Variants in GALNT13 observed in about 807,000 individuals in gnomAD.
GALNT13 encodes polypeptide N-acetylgalactosaminyltransferase 13, also known as UDP-GalNAc:polypeptide N-acetylgalactosaminyltransferase 13.
GALNT13 carries 28 observed loss-of-function variants against 64.2 expected under a neutral mutation model. The observed-to-expected ratio is 0.44, with a 90% confidence interval of 0.32 to 0.60. GALNT13 has a LOEUF of 0.60. Among genes scored for constraint, GALNT13 ranks in the 20% least tolerant of loss-of-function variants. The pLI is 0.05. For synonymous variants in GALNT13, 214 were observed against 224.6 expected (o/e 0.95, Z 0.42); for missense variants, 577 against 669.8 (o/e 0.86, Z 1.53).
chr2:153,943,795 C>T (rs2105383634), intron 2 of GALNT13, among the ~76,000 whole-genome samples: 1 of 152,256 alleles, frequency 6.6e-6, no homozygotes, highest in South Asian at 2.1e-4. Flanking sequence ...GTGCCCAGCT[C>T]TGTTTTATGT....
chr2:153,231,165 T>G, the GALNT13 span, among the ~76,000 whole-genome samples: 1 of 152,178 alleles, frequency 6.6e-6, no homozygotes, highest in Non-Finnish European at 1.5e-5. Flanking sequence ...TGTAGGCCGA[T>G]GACATACAGG....
rs552393648 is a variant in GALNT13 at position 154,298,369 on chromosome 2, C to A, written c.976-3040C>A. 1.9e-3 allele frequency among the ~76,000 whole-genome samples: 237 copies of A among 125,662 alleles called. 1 individual carries two copies. Among genetic ancestry groups the A allele is most frequent in the African/African-American group, 6.3e-3 (221 of 35,140 alleles). The allele number at this position is 125,662 out of a possible 152,430, so 82.4% of individuals were successfully genotyped here. A position where few individuals can be genotyped will look rare whatever the true frequency, so the allele number is the denominator to read the frequency against. On this transcript the variant is annotated intron_variant, in intron 8 of 12. Coordinates refer to ENST00000392825, the MANE Select transcript of GALNT13 (RefSeq NM_052917.4). ...ATATCACTAAATACATATATAATAT[C>A]ACTAAATTACATAAATATAATTTAT...
the GALNT13 span, among the ~76,000 whole-genome samples, chr2:153,222,270 C>G: frequency 2.2e-3 from 186 of 83,866 alleles, no homozygotes; most frequent in African/African-American, 8.4e-3. Context: ...AGCTCATTTC[C>G]GCAGGCAGGT....
At chr2:153,684,953 C>T in the GALNT13 span, among the ~76,000 whole-genome samples, 12 of 151,716 alleles carry the variant, frequency 7.9e-5, no homozygotes, top group East Asian at 2.1e-3. Context: ...TGGCCTCCAG[C>T]TCCATTCATG....
intron 9 of GALNT13, among the ~76,000 whole-genome samples, chr2:154,374,416 C>T (rs1008961559): frequency 6.6e-5 from 10 of 152,096 alleles, no homozygotes; most frequent in African/African-American, 2.4e-4. Flanking sequence ...GCTGATGGCT[C>T]TTGTTTAGTA....
At chr2:154,158,547 A>T (rs1489862255) in intron 4 of GALNT13, among the ~76,000 whole-genome samples, 1 of 152,184 alleles carries the variant, frequency 6.6e-6, no homozygotes, top group Admixed American at 6.5e-5. Flanking sequence ...TCTGATCAAC[A>T]TAATAGTCAC....
chr2:154,104,008 T>C (rs972402113), intron 3 of GALNT13, among the ~76,000 whole-genome samples: 7 of 152,056 alleles, frequency 4.6e-5, no homozygotes, highest in African/African-American at 1.7e-4. Flanking sequence ...GACCCCTGAT[T>C]GGAGTAGAGT....
the GALNT13 span, among the ~76,000 whole-genome samples, chr2:153,840,477 GA>G: frequency 1.3e-5 from 2 of 152,042 alleles, no homozygotes; most frequent in African/African-American, 2.4e-5. Context: ...TTGAGAAGGA[GA>G]AAATGTTGAC....
At chr2:154,221,412 A>G (rs1038588874) in intron 4 of GALNT13, among the ~76,000 whole-genome samples, 4 of 152,114 alleles carry the variant, frequency 2.6e-5, no homozygotes, top group African/African-American at 4.8e-5. Flanking sequence ...TGACTTAGTA[A>G]TTCAACTAAT....
chr2:154,148,587 G>A (rs7583736), intron 4 of GALNT13, among the ~76,000 whole-genome samples: 38 of 151,988 alleles, frequency 2.5e-4, no homozygotes, highest in African/African-American at 8.2e-4. Flanking sequence ...TCCAGCACCT[G>A]TTGTTTCCTG....
At chr2:153,677,383 A>T in the GALNT13 span, among the ~76,000 whole-genome samples, 1 of 151,882 alleles carries the variant, frequency 6.6e-6, no homozygotes, top group Non-Finnish European at 1.5e-5. Flanking sequence ...AGAATTTTAA[A>T]ACACTGCTTA....
At chr2:153,661,850 A>T in the GALNT13 span, among the ~76,000 whole-genome samples, 1 of 152,226 alleles carries the variant, frequency 6.6e-6, no homozygotes, top group Non-Finnish European at 1.5e-5. Flanking sequence ...ATTAAAGGAC[A>T]TTAAGATTTT....
the GALNT13 span, among the ~76,000 whole-genome samples, chr2:153,576,980 A>G: frequency 6.6e-6 from 1 of 151,790 alleles, no homozygotes; most frequent in African/African-American, 2.4e-5. Flanking sequence ...TCTCTATTTC[A>G]TTGTTTTACT....
At chr2:153,387,387 T>G in the GALNT13 span, among the ~76,000 whole-genome samples, 1 of 152,002 alleles carries the variant, frequency 6.6e-6, no homozygotes, top group Non-Finnish European at 1.5e-5. Flanking sequence ...CACCAATGGG[T>G]ACTTTTATTT....
the GALNT13 span, among the ~76,000 whole-genome samples, chr2:153,632,097 A>C: frequency 3.9e-5 from 6 of 152,152 alleles, no homozygotes; most frequent in Non-Finnish European, 8.8e-5. Context: ...TCCTCTCCCA[A>C]GTCCCTCTTA....
the GALNT13 span, among the ~76,000 whole-genome samples, chr2:153,119,402 G>A: frequency 6.6e-6 from 1 of 151,942 alleles, no homozygotes; most frequent in African/African-American, 2.4e-5. Context: ...GAAAGAAGGG[G>A]CCATTACAAT....
intron 4 of GALNT13, among the ~76,000 whole-genome samples, chr2:154,186,995 C>G (rs1686289224): frequency 6.6e-6 from 1 of 151,710 alleles, no homozygotes; most frequent in Admixed American, 6.6e-5. Flanking sequence ...AAAAAAAAAC[C>G]CCCAGTTTAT....
the GALNT13 span, among the ~76,000 whole-genome samples, chr2:153,437,749 C>T: frequency 4.7e-4 from 72 of 152,186 alleles, no homozygotes; most frequent in South Asian, 3.3e-3. Context: ...TTCCTGAATA[C>T]GGCACACTGA....
At chr2:153,447,039 T>C in the GALNT13 span, among the ~76,000 whole-genome samples, 4 of 152,240 alleles carry the variant, frequency 2.6e-5, no homozygotes, top group African/African-American at 9.6e-5. Flanking sequence ...TAAAAGCTAC[T>C]GGCCTATAGA....
Sources: gnomAD v4.1 joint callset for allele counts (sites outside exome capture counted in the v4.1 genomes callset) on GRCh38, gnomAD v4.1.1 for gene constraint, MANE v1.5 for transcripts, NCBI Gene and HGNC (gene_info 2026-07-23, HGNC 2026-07-21) for gene names.